Variants in CNTNAP3 observed in about 807,000 individuals in gnomAD.
CNTNAP3 encodes contactin associated protein family member 3.
In CNTNAP3, 36 loss-of-function variants were observed where a neutral mutation model predicts 92.1. That is an observed-to-expected ratio of 0.39 (90% CI 0.30 to 0.52). CNTNAP3 has a LOEUF of 0.52. Ranked by LOEUF, CNTNAP3 falls within the 20% of genes least tolerant of loss-of-function variation. The pLI, the probability that CNTNAP3 is intolerant of heterozygous loss-of-function variation, is 0.76. For missense variants in CNTNAP3, 534 were observed against 1,069.6 expected, an observed-to-expected ratio of 0.50 and a Z score of 6.98; for synonymous variants, 232 against 422.3, an observed-to-expected ratio of 0.55 and a Z score of 5.53.
intron 13 of CNTNAP3, among the ~76,000 whole-genome samples, chr9:39,131,889 C>T (rs952312919): frequency 2.7e-5 from 4 of 150,490 alleles, no homozygotes; most frequent in African/African-American, 9.9e-5. Context: ...GAAGGCAATG[C>T]AGGTATGGGT....
intron 10 of CNTNAP3, among the ~76,000 whole-genome samples, chr9:39,149,559 T>C (rs1821790138): frequency 6.6e-6 from 1 of 151,340 alleles, no homozygotes; most frequent in Admixed American, 6.6e-5. Flanking sequence ...GGTTTCACCA[T>C]GTTAGCCAGG....
chr9:39,108,922 C>A (rs1280117697), intron 15 of CNTNAP3, among the ~76,000 whole-genome samples: 6 of 152,032 alleles, frequency 3.9e-5, no homozygotes, highest in Non-Finnish European at 7.4e-5. Flanking sequence ...ATAAATCCAG[C>A]CAAGCAAGTA....
chr9:39,125,272 A>G (rs921180226), intron 13 of CNTNAP3, among the ~76,000 whole-genome samples: 3 of 151,440 alleles, frequency 2.0e-5, no homozygotes, highest in Non-Finnish European at 2.9e-5. Flanking sequence ...AAAAACAAAC[A>G]CTGCATGTTC....
chr9:39,121,191 G>A (rs1821010972), intron 13 of CNTNAP3, among the ~76,000 whole-genome samples: 1 of 151,250 alleles, frequency 6.6e-6, no homozygotes, highest in Non-Finnish European at 1.5e-5. Context: ...ATAAACATAG[G>A]CAGGTTAAAA....
chr9:39,114,171 CT>C (rs1820792041), intron 14 of CNTNAP3, among the ~76,000 whole-genome samples: 2 of 151,112 alleles, frequency 1.3e-5, no homozygotes, highest in African/African-American at 4.9e-5. Flanking sequence ...TAAGCTCTGC[CT>C]TCCAGCTTCA....
At chr9:39,148,183 G>C in intron 10 of CNTNAP3, among the ~76,000 whole-genome samples, 1 of 152,010 alleles carries the variant, frequency 6.6e-6, no homozygotes, top group East Asian at 1.9e-4. Flanking sequence ...AGTCCCAGCT[G>C]TGTGCCAAGA....
intron 13 of CNTNAP3, among the ~76,000 whole-genome samples, chr9:39,118,617 T>C (rs1820920532): frequency 6.6e-6 from 1 of 152,212 alleles, no homozygotes; most frequent in African/African-American, 2.4e-5. Flanking sequence ...TTTGAAATTA[T>C]GAAATGTTCA....
At chr9:39,075,583 G>T (rs1346699017) in intron 23 of CNTNAP3, among the ~76,000 whole-genome samples, 1 of 152,302 alleles carries the variant, frequency 6.6e-6, no homozygotes, top group Admixed American at 6.5e-5. Flanking sequence ...CTAAAGACAG[G>T]ATGTAAATTC....
intron 12 of CNTNAP3, among the ~76,000 whole-genome samples, chr9:39,135,500 T>C (rs982604334): frequency 9.9e-5 from 15 of 152,146 alleles, no homozygotes; most frequent in African/African-American, 3.6e-4. Context: ...CTGTAACACG[T>C]TGATCCCTGT....
intron 13 of CNTNAP3, among the ~76,000 whole-genome samples, chr9:39,130,292 T>C (rs1821248670): frequency 6.6e-6 from 1 of 151,932 alleles, no homozygotes; most frequent in African/African-American, 2.4e-5. Context: ...TGCCACCGAT[T>C]GCTAATCAGC....
intron 2 of CNTNAP3, among the ~76,000 whole-genome samples, chr9:39,256,505 A>G (rs183291322): frequency 0.057 from 1,048 of 18,334 alleles, 326 homozygotes; most frequent in African/African-American, 0.12. Flanking sequence ...AAAAAAAAAG[A>G]GGGCGGGGGC....
intron 11 of CNTNAP3, among the ~76,000 whole-genome samples, chr9:39,143,665 T>C (rs541919214): frequency 6.6e-6 from 1 of 152,136 alleles, no homozygotes; most frequent in African/African-American, 2.4e-5. Flanking sequence ...TTATTCACTT[T>C]ACAATCATCA....
At chr9:39,113,387 T>C (rs1428304750) in intron 14 of CNTNAP3, among the ~76,000 whole-genome samples, 1 of 152,218 alleles carries the variant, frequency 6.6e-6, no homozygotes, top group Non-Finnish European at 1.5e-5. Context: ...TTGTTAATAT[T>C]GCAAATAAAA....
chr9:39,115,304 A>C (rs1323015387), intron 14 of CNTNAP3, among the ~76,000 whole-genome samples: 1 of 151,794 alleles, frequency 6.6e-6, no homozygotes, highest in Admixed American at 6.6e-5. Context: ...TACTAGGCAC[A>C]CCTCAGTAAT....
intron 15 of CNTNAP3, among the ~76,000 whole-genome samples, chr9:39,104,508 A>ACT (rs1826551945): frequency 6.7e-6 from 1 of 149,818 alleles, no homozygotes; most frequent in South Asian, 2.3e-4. Context: ...ACACACACAC[A>ACT]CACACACACA....
chr9:39,113,010 C>A (rs901544535), intron 14 of CNTNAP3, among the ~76,000 whole-genome samples: 3 of 152,038 alleles, frequency 2.0e-5, no homozygotes, highest in African/African-American at 7.3e-5. Context: ...AGAATGTCAA[C>A]TTTAAAAGAG....
chr9:39,074,445 C>T (rs968110787), intron 23 of CNTNAP3, among the ~76,000 whole-genome samples: 1 of 148,546 alleles, frequency 6.7e-6, no homozygotes, highest in Non-Finnish European at 1.5e-5. Context: ...ATTGAAAACA[C>T]CAAAACTCAG....
chr9:39,074,931 G>T (rs1802524306), intron 23 of CNTNAP3, among the ~76,000 whole-genome samples: 1 of 152,282 alleles, frequency 6.6e-6, no homozygotes. Flanking sequence ...ACCGCGCCCG[G>T]CTAACTTTTT....
At chr9:39,137,500 GTTTT>G (rs1821468719) in intron 12 of CNTNAP3, among the ~76,000 whole-genome samples, 3 of 151,764 alleles carry the variant, frequency 2.0e-5, no homozygotes, top group Admixed American at 2.0e-4. Context: ...TCTGACTCTG[GTTTT>G]TGTTTGTTTT....
Sources: allele counts gnomAD v4.1 joint callset (sites outside exome capture counted in the v4.1 genomes callset), GRCh38; gene constraint gnomAD v4.1.1; transcripts MANE v1.5; gene names NCBI Gene and HGNC (gene_info 2026-07-23, HGNC 2026-07-21).